Variants in LUZP2 observed in about 807,000 individuals in gnomAD.
LUZP2 encodes leucine zipper protein 2.
A neutral mutation model predicts 51.6 loss-of-function variants in LUZP2; 52 were observed. The ratio of observed to expected loss-of-function variants is 1.01; its 90% CI spans 0.81 to 1.27. The LOEUF (loss-of-function observed/expected upper bound fraction) is 1.27. LUZP2 is among the 50% of genes most tolerant of loss of function. The pLI is 0.00. For missense variants in LUZP2, 436 were observed against 395.4 expected, an observed-to-expected ratio of 1.10 and a Z score of -0.87; for synonymous variants, 154 against 137.3, an observed-to-expected ratio of 1.12 and a Z score of -0.85.
At chr11:24,768,746 A>C (rs1860289259) in intron 5 of LUZP2, among the ~76,000 whole-genome samples, 1 of 138,938 alleles carries the variant, frequency 7.2e-6, no homozygotes, top group South Asian at 2.5e-4. Context: ...TCAAAAAGAG[A>C]AGTAAGGAAT....
chr11:24,926,563 G>A (rs1446255933), intron 7 of LUZP2, among the ~76,000 whole-genome samples: 6 of 143,316 alleles, frequency 4.2e-5, no homozygotes, highest in African/African-American at 7.6e-5. Context: ...ATATGTGTGT[G>A]TATATATATA....
chr11:24,827,804 C>G (rs1286304872), intron 5 of LUZP2, among the ~76,000 whole-genome samples: 1 of 152,074 alleles, frequency 6.6e-6, no homozygotes, highest in Non-Finnish European at 1.5e-5. Flanking sequence ...AGAACACTGG[C>G]CTGTGAACAA....
intron 5 of LUZP2, among the ~76,000 whole-genome samples, chr11:24,808,266 A>C (rs926048378): frequency 2.0e-5 from 3 of 152,162 alleles, no homozygotes; most frequent in African/African-American, 7.2e-5. Flanking sequence ...TTTGGGTTTT[A>C]GACAGTGTAA....
chr11:24,693,372 T>C (rs1437430874), intron 1 of LUZP2, among the ~76,000 whole-genome samples: 1 of 151,584 alleles, frequency 6.6e-6, no homozygotes, highest in Non-Finnish European at 1.5e-5. Flanking sequence ...CCTTCATAAA[T>C]GATAGGATAG....
At chr11:24,558,677 T>G (rs1851944066) in intron 1 of LUZP2, among the ~76,000 whole-genome samples, 1 of 152,166 alleles carries the variant, frequency 6.6e-6, no homozygotes, top group African/African-American at 2.4e-5. Context: ...AGGAAGTGAT[T>G]AAGTCATGAG....
rs557693910 is a variant in LUZP2, at chr11:24,905,508, A to G, written c.397-483A>G. Among the ~76,000 whole-genome samples, 6 of 152,220 alleles carry G rather than the reference A, an allele frequency of 3.9e-5. No individual in the cohort carries two copies. The South Asian group carries it at 1.0e-3, about 26-fold the overall frequency. On this transcript the variant is annotated intron_variant, in intron 5 of 11. Transcript: ENST00000336930. ...ATACCATTGCACTCCAGCCAGGACA[A>G]CGGAGTGAAACTTCGCTCAAAAAAA...
chr11:24,537,200 C>G (rs1851203045), intron 1 of LUZP2, among the ~76,000 whole-genome samples: 1 of 151,820 alleles, frequency 6.6e-6, no homozygotes, highest in African/African-American at 2.4e-5. Flanking sequence ...GTGACACAAA[C>G]AGAAGTGAGC....
chr11:24,714,907 C>G (rs188607008), intron 1 of LUZP2, among the ~76,000 whole-genome samples: 13 of 152,296 alleles, frequency 8.5e-5, no homozygotes, highest in Admixed American at 7.2e-4. Flanking sequence ...ATAGCATCAA[C>G]AGTTTACACT....
At chr11:24,687,045 A>G (rs1029877674) in intron 1 of LUZP2, among the ~76,000 whole-genome samples, 3 of 152,186 alleles carry the variant, frequency 2.0e-5, no homozygotes, top group African/African-American at 4.8e-5. Context: ...CTGAGATATT[A>G]TTAGGAAAGA....
At chr11:24,645,490 C>T (rs919917612) in intron 1 of LUZP2, among the ~76,000 whole-genome samples, 28 of 152,026 alleles carry the variant, frequency 1.8e-4, no homozygotes, top group African/African-American at 1.2e-4. Context: ...TAGAATTATG[C>T]CATAGCAATG....
chr11:24,645,744 GTTA>G (rs150342659), intron 1 of LUZP2, among the ~76,000 whole-genome samples: 2,630 of 152,074 alleles, frequency 0.017, 83 homozygotes, highest in African/African-American at 0.061. Context: ...TATCTGGCTT[GTTA>G]TTATGGTATT....
At chr11:24,949,916 A>G (rs963337379) in intron 7 of LUZP2, among the ~76,000 whole-genome samples, 1 of 147,050 alleles carries the variant, frequency 6.8e-6, no homozygotes, top group Admixed American at 6.8e-5. Context: ...GCTTAATGTA[A>G]CTCTTCTTTG....
intron 7 of LUZP2, among the ~76,000 whole-genome samples, chr11:24,937,911 AAAAG>A (rs1477954336): frequency 1.3e-5 from 2 of 151,800 alleles, no homozygotes; most frequent in African/African-American, 2.4e-5. Context: ...AAAAAAAAAA[AAAAG>A]AAAGAAAGAA....
intron 5 of LUZP2, among the ~76,000 whole-genome samples, chr11:24,900,625 A>C (rs1853247866): frequency 6.6e-6 from 1 of 152,196 alleles, no homozygotes; most frequent in African/African-American, 2.4e-5. Flanking sequence ...TATGTTAAGC[A>C]GACTGTATCC....
At chr11:24,851,891 C>A (rs1224027332) in intron 5 of LUZP2, among the ~76,000 whole-genome samples, 1 of 152,128 alleles carries the variant, frequency 6.6e-6, no homozygotes, top group Non-Finnish European at 1.5e-5. Context: ...TTTAGATTTT[C>A]TAGCTTATTT....
intron 5 of LUZP2, among the ~76,000 whole-genome samples, chr11:24,843,285 T>C (rs1044101212): frequency 2.6e-5 from 4 of 152,146 alleles, no homozygotes; most frequent in Admixed American, 2.6e-4. Flanking sequence ...TTTAGACGTA[T>C]GTTTTACCAA....
intron 10 of LUZP2, 84 bp from the exon 11 acceptor site, chr11:25,077,245 A>C: frequency 1.0e-6 from 1 of 990,478 alleles, no homozygotes; most frequent in Non-Finnish European, 1.6e-6. Context: ...CTCAACAGGA[A>C]GAATTCAAGA....
At chr11:24,501,131 A>AC (rs1220402386) in intron 1 of LUZP2, among the ~76,000 whole-genome samples, 1 of 152,196 alleles carries the variant, frequency 6.6e-6, no homozygotes, top group East Asian at 1.9e-4. Context: ...ACAGGATGCT[A>AC]CCTACGTTCC....
chr11:25,019,946 A>G (rs1395959443), intron 9 of LUZP2, among the ~76,000 whole-genome samples: 1 of 151,960 alleles, frequency 6.6e-6, no homozygotes, highest in Non-Finnish European at 1.5e-5. Context: ...CTTAAAAATG[A>G]CTCCAGATTT....
Sources: gnomAD v4.1 joint callset for allele counts (sites outside exome capture counted in the v4.1 genomes callset) on GRCh38, gnomAD v4.1.1 for gene constraint, MANE v1.5 for transcripts, NCBI Gene and HGNC (gene_info 2026-07-23, HGNC 2026-07-21) for gene names.